The following PPHLN1 variants were observed in gnomAD, a reference collection of about 807,000 sequenced individuals.
The protein encoded by PPHLN1 is periphilin-1.
Under a neutral mutation model 51.3 loss-of-function variants are expected in PPHLN1, and 29 were observed. The ratio of observed to expected loss-of-function variants is 0.57; its 90% CI spans 0.42 to 0.77. The LOEUF (loss-of-function observed/expected upper bound fraction) is 0.77. Among genes scored for constraint, PPHLN1 ranks in the 30% least tolerant of loss-of-function variants. The pLI is 0.00. For missense variants in PPHLN1, 436 were observed against 438.4 expected, an observed-to-expected ratio of 0.99 and a Z score of 0.05; for synonymous variants, 147 against 147.8, an observed-to-expected ratio of 0.99 and a Z score of 0.04.
At chr12:42,397,630 G>A (rs1001321468) in intron 8 of PPHLN1, among the ~76,000 whole-genome samples, 6 of 152,044 alleles carry the variant, frequency 3.9e-5, no homozygotes, top group Admixed American at 2.0e-4. Context: ...CAGTGACTGG[G>A]CAATTTACAA....
intron 4 of PPHLN1, among the ~76,000 whole-genome samples, chr12:42,367,726 T>C (rs2075405854): frequency 6.6e-6 from 1 of 152,200 alleles, no homozygotes. Context: ...AGATTAAAAG[T>C]AAATCATTAT....
intron 2 of PPHLN1, among the ~76,000 whole-genome samples, chr12:42,349,064 T>C (rs570919477): frequency 6.6e-6 from 1 of 152,212 alleles, no homozygotes; most frequent in Non-Finnish European, 1.5e-5. Context: ...CCTGACCCAT[T>C]GACAAATTTC....
chr12:42,432,747 A>G (rs533861552), intron 9 of PPHLN1, among the ~76,000 whole-genome samples: 1 of 152,292 alleles, frequency 6.6e-6, no homozygotes, highest in African/African-American at 2.4e-5. Context: ...ACACCCATTA[A>G]ATTTTCTCTC....
At chr12:42,439,470 T>C (rs1260403965) in intron 9 of PPHLN1, among the ~76,000 whole-genome samples, 1 of 152,224 alleles carries the variant, frequency 6.6e-6, no homozygotes, top group East Asian at 1.9e-4. Flanking sequence ...CATACAATCT[T>C]GATTACTGTA....
chr12:42,381,901 A>T (rs1380833015), intron 5 of PPHLN1, among the ~76,000 whole-genome samples: 1 of 152,218 alleles, frequency 6.6e-6, no homozygotes, highest in Non-Finnish European at 1.5e-5. Context: ...CTTGCACTCA[A>T]ATATACCTGT....
At chr12:42,353,828 T>C (rs1244138713) in intron 3 of PPHLN1, among the ~76,000 whole-genome samples, 1 of 152,196 alleles carries the variant, frequency 6.6e-6, no homozygotes, top group Non-Finnish European at 1.5e-5. Flanking sequence ...TGATTTTTTT[T>C]CTAAAAACTT....
rs542371198 is a variant in PPHLN1 at position 42,417,920 on chromosome 12, GTTTTTTTTTT to G, written c.909+18928_909+18937del. Reference sequence around the variant, plus strand: ...GGAAAAAAGAAAAAAAAAAGCCCTAGTTTTTTTTTTTGTTTTTTTTTTGTTTTTTTTTTTT... The same window carrying G: ...GGAAAAAAGAAAAAAAAAAGCCCTAGTGTTTTTTTTTTGTTTTTTTTTTTT... On this transcript the variant is annotated intron_variant, in intron 9 of 9. Transcript: ENST00000358314. Among the ~76,000 whole-genome samples the G allele has an allele frequency of 9.8e-5, 10 of 102,418 alleles. No individual in the cohort carries two copies. In the Admixed American group the frequency reaches 1.0e-3, roughly 11 times the overall value. The allele number at this position is 102,418 out of a possible 152,430, so 67.2% of individuals were successfully genotyped here.
At chr12:42,366,921 T>C (rs191074988) in intron 4 of PPHLN1, among the ~76,000 whole-genome samples, 92 of 152,288 alleles carry the variant, frequency 6.0e-4, no homozygotes, top group Non-Finnish European at 9.7e-4. Context: ...ACTGCAAATA[T>C]GACTGTCAGA....
chr12:42,387,509 A>G lies in PPHLN1; in HGVS notation c.622A>G (p.Ser208Gly). The G allele has an allele frequency of 6.2e-7, 1 of 1,613,562 alleles. No homozygotes were observed. Among genetic ancestry groups the G allele is most frequent in the East Asian group, 2.2e-5 (1 of 44,840 alleles). The change falls in exon 7 of 10, where the codon AGT becomes GGT. Residue 208 changes from serine to glycine, a missense_variant. Coordinates refer to ENST00000358314, the MANE Select transcript of PPHLN1 (RefSeq NM_201439.2). Reference sequence around the variant, plus strand: ...AACATCAAGAGATACTTCACCCTCAAGTGGTTCAGCAGTTTCTTCATCAAA... The same window carrying G: ...AACATCAAGAGATACTTCACCCTCAGGTGGTTCAGCAGTTTCTTCATCAAA... ...LKTSRDTSPS[S>G]GSAVSSSKVL...
chr12:42,396,409 CAAG>C (rs1306188750), intron 8 of PPHLN1, among the ~76,000 whole-genome samples: 1 of 151,892 alleles, frequency 6.6e-6, no homozygotes, highest in South Asian at 2.1e-4. Context: ...TCCTAGCCAT[CAAG>C]AAGGTTGCAG....
At chr12:42,446,077 C>G, downstream of PPHLN1, 1 of 1,550,182 alleles carries the variant, frequency 6.5e-7, no homozygotes, top group East Asian at 2.4e-5. Context: ...CCCCGCAGCC[C>G]CCGCAGGCCC....
intron 9 of PPHLN1, among the ~76,000 whole-genome samples, chr12:42,410,971 T>A (rs1179280757): frequency 6.6e-6 from 1 of 152,158 alleles, no homozygotes. Flanking sequence ...TTTTTGAAAT[T>A]TATTCTGTTT....
chr12:42,372,447 C>T (rs191857599), intron 4 of PPHLN1, among the ~76,000 whole-genome samples: 7 of 152,302 alleles, frequency 4.6e-5, no homozygotes, highest in Admixed American at 4.6e-4. Context: ...GCAATCTTTC[C>T]TCTCTATCCT....
chr12:42,368,507 G>A (rs1452181826), intron 4 of PPHLN1, among the ~76,000 whole-genome samples: 1 of 152,116 alleles, frequency 6.6e-6, no homozygotes, highest in East Asian at 1.9e-4. Flanking sequence ...GGAAAATGAA[G>A]CTCAGAGAGG....
At chr12:42,331,530 G>A (rs1416108270) in intron 1 of PPHLN1, among the ~76,000 whole-genome samples, 1 of 152,220 alleles carries the variant, frequency 6.6e-6, no homozygotes, top group African/African-American at 2.4e-5. Context: ...GGATAGCCCA[G>A]TGGAGTGCTC....
intron 4 of PPHLN1, among the ~76,000 whole-genome samples, chr12:42,365,958 GA>G (rs2075228095): frequency 6.6e-6 from 1 of 152,130 alleles, no homozygotes; most frequent in Non-Finnish European, 1.5e-5. Flanking sequence ...AACATAGCTA[GA>G]AACCTATAGT....
chr12:42,363,924 C>A (rs1423010014), intron 4 of PPHLN1, among the ~76,000 whole-genome samples: 2 of 152,056 alleles, frequency 1.3e-5, no homozygotes, highest in African/African-American at 4.8e-5. Flanking sequence ...GTTATGAGAT[C>A]TTATAATAAA....
chr12:42,425,662 C>T (rs1453100344), intron 9 of PPHLN1, among the ~76,000 whole-genome samples: 3 of 152,222 alleles, frequency 2.0e-5, no homozygotes, highest in African/African-American at 4.8e-5. Flanking sequence ...GTTGGGATTA[C>T]AGGCGTGAGC....
At chr12:42,371,513 C>T (rs1423139710) in intron 4 of PPHLN1, among the ~76,000 whole-genome samples, 2 of 152,096 alleles carry the variant, frequency 1.3e-5, no homozygotes, top group Non-Finnish European at 2.9e-5. Context: ...GCTTTTTACT[C>T]ACTGCTTTTT....
Sources: gnomAD v4.1 joint callset for allele counts (sites outside exome capture counted in the v4.1 genomes callset) on GRCh38, gnomAD v4.1.1 for gene constraint, MANE v1.5 for transcripts, NCBI Gene and HGNC (gene_info 2026-07-23, HGNC 2026-07-21) for gene names.